CNTNAP2: variants seen among roughly 807,000 people sequenced by gnomAD.
CNTNAP2 encodes contactin-associated protein-like 2.
CNTNAP2 carries 98 observed loss-of-function variants against 155.2 expected under a neutral mutation model. The ratio of observed to expected loss-of-function variants is 0.63; its 90% CI spans 0.54 to 0.75. The LOEUF (loss-of-function observed/expected upper bound fraction) is 0.75. Ranked by LOEUF, CNTNAP2 falls within the 30% of genes least tolerant of loss-of-function variation. The pLI is 0.00. For synonymous variants in CNTNAP2, 651 were observed against 631.2 expected, an observed-to-expected ratio of 1.03 and a Z score of -0.47; for missense variants, 1,727 against 1,688.1, an observed-to-expected ratio of 1.02 and a Z score of -0.40.
At chr7:148,136,635 T>A (rs1180798510) in intron 16 of CNTNAP2, among the ~76,000 whole-genome samples, 1 of 152,216 alleles carries the variant, frequency 6.6e-6, no homozygotes, top group African/African-American at 2.4e-5. Flanking sequence ...TGCTAACCGA[T>A]GACCCTATCC....
At chr7:147,966,836 C>G (rs1315291790) in intron 14 of CNTNAP2, among the ~76,000 whole-genome samples, 2 of 152,094 alleles carry the variant, frequency 1.3e-5, no homozygotes, top group African/African-American at 4.8e-5. Flanking sequence ...CAGGGGCCAT[C>G]AAGGCAAGAG....
chr7:146,469,449 C>T (rs191658732), intron 1 of CNTNAP2, among the ~76,000 whole-genome samples: 2 of 150,686 alleles, frequency 1.3e-5, no homozygotes, highest in East Asian at 3.9e-4. Flanking sequence ...TTTTGAAGCT[C>T]ATACATGCTC....
intron 12 of CNTNAP2, among the ~76,000 whole-genome samples, chr7:147,630,182 A>G (rs1044140111): frequency 2.0e-5 from 3 of 152,118 alleles, no homozygotes; most frequent in African/African-American, 7.2e-5. Context: ...CAAGGCTACT[A>G]TGAACACATT....
chr7:146,684,512 A>C (rs922059584), intron 1 of CNTNAP2, among the ~76,000 whole-genome samples: 2 of 152,026 alleles, frequency 1.3e-5, no homozygotes, highest in East Asian at 3.9e-4. Flanking sequence ...GTATTCAAAA[A>C]TGTGGCATAA....
chr7:146,244,152 A>T (rs2116931660), intron 1 of CNTNAP2, among the ~76,000 whole-genome samples: 1 of 152,304 alleles, frequency 6.6e-6, no homozygotes, highest in Middle Eastern at 3.4e-3. Context: ...AATTGGGACG[A>T]CTCAGGACAT....
intron 1 of CNTNAP2, among the ~76,000 whole-genome samples, chr7:146,639,740 T>C (rs1799673713): frequency 6.6e-6 from 1 of 152,204 alleles, no homozygotes; most frequent in Non-Finnish European, 1.5e-5. Flanking sequence ...CTTACAGGTA[T>C]TATCTCATAT....
intron 14 of CNTNAP2, among the ~76,000 whole-genome samples, chr7:147,939,795 C>G (rs180717830): frequency 3.0e-4 from 45 of 152,056 alleles, no homozygotes; most frequent in African/African-American, 1.1e-3. Context: ...TTCTCTCTCT[C>G]TCTCTCTCAC....
rs1199858200 is a variant in CNTNAP2, at chr7:147,132,233, T to C, written c.1084-12T>C. On this transcript the variant is annotated splice_polypyrimidine_tract_variant and intron_variant, in intron 7 of 23. Transcript: ENST00000361727. Reference sequence around the variant, plus strand: ...CTGTGTTTTCCTCAGAGCCTGTCTTTCTATTTTACAGGGAAATTTGAGCTT... The same window carrying C: ...CTGTGTTTTCCTCAGAGCCTGTCTTCCTATTTTACAGGGAAATTTGAGCTT... The C allele has an allele frequency of 9.3e-6, 15 of 1,613,378 alleles. No individual in the cohort carries two copies. Among genetic ancestry groups the C allele is most frequent in the African/African-American group, 1.3e-5 (1 of 74,870 alleles).
At chr7:146,978,698 A>T (rs754967151) in intron 3 of CNTNAP2, among the ~76,000 whole-genome samples, 5 of 151,196 alleles carry the variant, frequency 3.3e-5, no homozygotes, top group Admixed American at 6.6e-5. Flanking sequence ...AGATAATAAG[A>T]TCATATATAT....
chr7:147,758,932 G>C (rs919311129), intron 13 of CNTNAP2, among the ~76,000 whole-genome samples: 1 of 152,122 alleles, frequency 6.6e-6, no homozygotes, highest in Non-Finnish European at 1.5e-5. Flanking sequence ...GAAGAACAAT[G>C]CTATTCTTTT....
Position 148,022,480 on chromosome 7 carries a change from A to AAAAGAAAAAAAG in CNTNAP2, c.2383+44494_2383+44495insGAAAAAAAGAAA, listed in dbSNP as rs1554463129. On this transcript the variant is annotated intron_variant, in intron 15 of 23. Coordinates refer to ENST00000361727, the MANE Select transcript of CNTNAP2 (RefSeq NM_014141.6). ...GGAGACTCCGTCTCAAAAAAAAAAA[A>AAAAGAAAAAAAG]AAAAGAAAAGAAAAGAAAAAGAATC... Among the ~76,000 whole-genome samples, 96 of 138,314 alleles carry AAAAGAAAAAAAG rather than the reference A, an allele frequency of 6.9e-4. 1 individual carries two copies. Among genetic ancestry groups the AAAAGAAAAAAAG allele is most frequent in the African/African-American group, 2.5e-3 (92 of 36,774 alleles). The allele number at this position is 138,314 out of a possible 152,430, so 90.7% of individuals were successfully genotyped here. A position where few individuals can be genotyped will look rare whatever the true frequency, so the allele number is the denominator to read the frequency against.
At chr7:146,612,016 GTAAC>G (rs980299381) in intron 1 of CNTNAP2, among the ~76,000 whole-genome samples, 3 of 152,150 alleles carry the variant, frequency 2.0e-5, no homozygotes, top group Non-Finnish European at 4.4e-5. Flanking sequence ...GGATAAATGT[GTAAC>G]TAACACTATC....
At chr7:146,932,964 C>T (rs1296195318) in intron 3 of CNTNAP2, among the ~76,000 whole-genome samples, 7 of 152,260 alleles carry the variant, frequency 4.6e-5, no homozygotes, top group Non-Finnish European at 8.8e-5. Context: ...AAGAACATTC[C>T]ATGCTCATGG....
At chr7:147,194,768 G>T (rs866806616) in intron 8 of CNTNAP2, among the ~76,000 whole-genome samples, 1 of 152,212 alleles carries the variant, frequency 6.6e-6, no homozygotes, top group East Asian at 1.9e-4. Flanking sequence ...TGATGGGGTT[G>T]TTTGTTTTTT....
chr7:147,127,230 A>G (rs1801258850), intron 6 of CNTNAP2, among the ~76,000 whole-genome samples: 1 of 152,172 alleles, frequency 6.6e-6, no homozygotes, highest in South Asian at 2.1e-4. Context: ...ACTTTAGATT[A>G]CTATTTCTTC....
At chr7:146,935,695 A>G (rs1796900583) in intron 3 of CNTNAP2, among the ~76,000 whole-genome samples, 1 of 152,204 alleles carries the variant, frequency 6.6e-6, no homozygotes, top group African/African-American at 2.4e-5. Flanking sequence ...TAGATTGCTG[A>G]CTGGCTAAAC....
intron 15 of CNTNAP2, among the ~76,000 whole-genome samples, chr7:148,044,159 T>A (rs912059735): frequency 1.3e-5 from 2 of 150,734 alleles, no homozygotes; most frequent in Admixed American, 6.6e-5. Context: ...AGTTCATATC[T>A]AACTTGGCCA....
intron 1 of CNTNAP2, among the ~76,000 whole-genome samples, chr7:146,199,109 C>CTAAA (rs1798819963): frequency 1.3e-5 from 2 of 152,124 alleles, no homozygotes; most frequent in Non-Finnish European, 1.5e-5. Flanking sequence ...TTATTCATAT[C>CTAAA]CACCTAATCA....
intron 8 of CNTNAP2, among the ~76,000 whole-genome samples, chr7:147,178,652 T>G (rs1043439016): frequency 2.6e-5 from 4 of 152,178 alleles, no homozygotes; most frequent in African/African-American, 4.8e-5. Flanking sequence ...GCTACCCTGA[T>G]TTTCTCATTA....
Sources: allele counts gnomAD v4.1 joint callset (sites outside exome capture counted in the v4.1 genomes callset), GRCh38; gene constraint gnomAD v4.1.1; transcripts MANE v1.5; gene names NCBI Gene and HGNC (gene_info 2026-07-23, HGNC 2026-07-21).